Variants in BLZF1 observed in about 807,000 individuals in gnomAD.
BLZF1 encodes the protein basic leucine zipper nuclear factor 1.
A neutral mutation model predicts 43.8 loss-of-function variants in BLZF1; 39 were observed. That is an observed-to-expected ratio of 0.89 (90% CI 0.69 to 1.16). The LOEUF (loss-of-function observed/expected upper bound fraction) is 1.16. Among genes scored for constraint, BLZF1 ranks in the 50% most tolerant of loss-of-function variants. The probability of loss-of-function intolerance (pLI) is 0.00; values close to 1 mark genes in which losing one functional copy is unlikely to be tolerated. For synonymous variants in BLZF1, 136 were observed against 159.4 expected, an observed-to-expected ratio of 0.85 and a Z score of 1.11; for missense variants, 449 against 469.8, an observed-to-expected ratio of 0.96 and a Z score of 0.41.
rs185816271 is a variant in BLZF1, at chr1:169,375,879, C to T, written c.29-661C>T. Among the ~76,000 whole-genome samples, 41 of 151,796 alleles carry T rather than the reference C, an allele frequency of 2.7e-4. No homozygotes were observed. In the East Asian group the frequency reaches 5.8e-3, roughly 21 times the overall value. ...TGCACTCAAAATAAATTGAAAGCCA[C>T]TAGAGGGAATGAGAGAACAATAAAA... is the stretch of plus-strand genomic sequence containing the variant. On this transcript the variant is annotated intron_variant, in intron 2 of 6. Coordinates refer to ENST00000367808, the MANE Select transcript of BLZF1 (RefSeq NM_001320973.2).
At chr1:169,371,307 T>G (rs1280710835) in intron 2 of BLZF1, among the ~76,000 whole-genome samples, 1 of 152,210 alleles carries the variant, frequency 6.6e-6, no homozygotes, top group Non-Finnish European at 1.5e-5. Flanking sequence ...TACAATATTA[T>G]GATTAGTCAT....
At chr1:169,377,778 G>A (rs1054125073) in intron 3 of BLZF1, among the ~76,000 whole-genome samples, 2 of 151,844 alleles carry the variant, frequency 1.3e-5, no homozygotes, top group East Asian at 1.9e-4. Context: ...CTATTACAGT[G>A]TCATTGTTAA....
downstream of BLZF1, among the ~76,000 whole-genome samples, chr1:169,388,972 A>C (rs1402336322): frequency 2.0e-5 from 3 of 152,068 alleles, no homozygotes; most frequent in African/African-American, 4.8e-5. Flanking sequence ...AAATACAAAA[A>C]ATTAGTTGGG....
intron 2 of BLZF1, among the ~76,000 whole-genome samples, chr1:169,373,593 A>G (rs1038397897): frequency 6.6e-6 from 1 of 152,194 alleles, no homozygotes; most frequent in African/African-American, 2.4e-5. Context: ...GGGAGCTCTC[A>G]CGTAATATAT....
downstream of BLZF1, among the ~76,000 whole-genome samples, chr1:169,393,082 G>C (rs899482511): frequency 3.9e-5 from 6 of 151,994 alleles, no homozygotes; most frequent in African/African-American, 1.2e-4. Flanking sequence ...ACTGAGCCTG[G>C]GTGTATGGTC....
At chr1:169,381,671 A>G (rs565496623) in intron 5 of BLZF1, among the ~76,000 whole-genome samples, 25 of 152,290 alleles carry the variant, frequency 1.6e-4, no homozygotes, top group African/African-American at 6.0e-4. Context: ...AAAAAGTTTT[A>G]TACATTTTGA....
chr1:169,376,671 G>A lies in BLZF1; in HGVS notation c.160G>A (p.Ala54Thr), dbSNP rs769203821. 8.1e-6 allele frequency: 13 copies of A among 1,613,464 alleles called. No individual in the cohort carries two copies. In the South Asian group the frequency reaches 1.1e-4, roughly 14 times the overall value. ...HHSLQSPWKK[A>T]VPSESPGVLQ... ...TAGTCTTCAGAGTCCATGGAAGAAA[G>A]CAGTTCCATCAGAGAGCCCAGGAGT... Residue 54 changes from alanine (A) to threonine (T), a missense_variant, in exon 3 of 7, where the codon GCA becomes ACA. Coordinates refer to ENST00000367808, the MANE Select transcript of BLZF1 (RefSeq NM_001320973.2).
intron 2 of BLZF1, among the ~76,000 whole-genome samples, chr1:169,375,696 G>A (rs940437890): frequency 1.3e-5 from 2 of 151,154 alleles, no homozygotes; most frequent in African/African-American, 4.9e-5. Flanking sequence ...TTTGCTGCCC[G>A]TGACCACTCA....
At position 169,377,357 on chromosome 1, in the gene BLZF1, C is replaced by T. The variant is rs1366596225; in HGVS notation, c.468+378C>T. ...TAGTTTTGCTTGTGTATACGGGATACTTGGAATAAAGAGAATGGCGATATA... is the reference window on the plus strand; with the variant it reads ...TAGTTTTGCTTGTGTATACGGGATATTTGGAATAAAGAGAATGGCGATATA... On this transcript the variant is annotated intron_variant, in intron 3 of 6. Transcript: ENST00000367808. 3 of 200,026 alleles carry T rather than the reference C, an allele frequency of 1.5e-5. No individual in the cohort carries two copies. In the East Asian group the frequency reaches 3.5e-4, roughly 23 times the overall value. The allele number at this position is 200,026 out of a possible 1,614,324, so 12.4% of individuals were successfully genotyped here.
At chr1:169,395,552 C>T (rs527909276) in intron 7 of BLZF1, among the ~76,000 whole-genome samples, 61 of 152,240 alleles carry the variant, frequency 4.0e-4, no homozygotes, top group African/African-American at 1.4e-3. Flanking sequence ...AAATAACTTA[C>T]TCTTTGTAAC....
chr1:169,394,957 A>G (rs935436742), intron 7 of BLZF1: 6 of 1,165,154 alleles, frequency 5.1e-6, no homozygotes, highest in Non-Finnish European at 7.1e-6. Context: ...CATTTCCATA[A>G]TTTAGAATAC....
chr1:169,380,751 T>A (rs1557849354), intron 5 of BLZF1, 142 bp downstream of exon 5: 1 of 890,728 alleles, frequency 1.1e-6, no homozygotes, highest in Non-Finnish European at 1.6e-6. Context: ...TTTAGTAGCA[T>A]TTTAAAATAG....
downstream of BLZF1, among the ~76,000 whole-genome samples, chr1:169,388,806 G>A (rs181394339): frequency 6.3e-4 from 96 of 152,144 alleles, no homozygotes; most frequent in African/African-American, 2.2e-3. Flanking sequence ...CCAAGATGGC[G>A]AAACCCCATC....
chr1:169,379,040 C>G (rs919093413), intron 4 of BLZF1, among the ~76,000 whole-genome samples: 39 of 152,042 alleles, frequency 2.6e-4, no homozygotes. Context: ...GGGTTCTCAT[C>G]CAGGCCTCTC....
chr1:169,392,325 C>G (rs1285666274), downstream of BLZF1, among the ~76,000 whole-genome samples: 1 of 152,164 alleles, frequency 6.6e-6, no homozygotes, highest in Non-Finnish European at 1.5e-5. Flanking sequence ...CTGACACTTC[C>G]CAATTTCAAA....
chr1:169,385,860 G>C (rs1442316232), intron 6 of BLZF1, among the ~76,000 whole-genome samples: 4 of 152,126 alleles, frequency 2.6e-5, no homozygotes, highest in African/African-American at 9.7e-5. Context: ...AGGGAAACAG[G>C]CATCACCAAC....
At chr1:169,385,296 C>G (rs1416328100) in intron 6 of BLZF1, among the ~76,000 whole-genome samples, 7 of 152,128 alleles carry the variant, frequency 4.6e-5, no homozygotes, top group Non-Finnish European at 1.0e-4. Flanking sequence ...CTTTTCAGTC[C>G]CATTGCTTCA....
chr1:169,386,747 A>G (rs1571444954), intron 6 of BLZF1, among the ~76,000 whole-genome samples: 1 of 151,932 alleles, frequency 6.6e-6, no homozygotes, highest in Non-Finnish European at 1.5e-5. Flanking sequence ...TTTCCTACCA[A>G]TATCTGTAAA....
At chr1:169,369,636 G>A in intron 2 of BLZF1, 86 bp downstream of exon 2, 1 of 934,268 alleles carries the variant, frequency 1.1e-6, no homozygotes, top group East Asian at 2.6e-5. Flanking sequence ...TAGATCTCAT[G>A]GACCCCCTTG....
Sources: gnomAD v4.1 joint callset for allele counts (sites outside exome capture counted in the v4.1 genomes callset) on GRCh38, gnomAD v4.1.1 for gene constraint, MANE v1.5 for transcripts, NCBI Gene and HGNC (gene_info 2026-07-23, HGNC 2026-07-21) for gene names.